Variants in SLC45A4 observed in about 807,000 individuals in gnomAD.
SLC45A4 encodes solute carrier family 45 member 4, also known as polyamine-transporter SLC45A4.
A neutral mutation model predicts 63.7 loss-of-function variants in SLC45A4; 32 were observed. The ratio of observed to expected loss-of-function variants is 0.50; its 90% CI spans 0.38 to 0.67. The LOEUF is 0.67. SLC45A4 is among the 30% of genes least tolerant of loss of function. The pLI is 0.00. For missense variants in SLC45A4, 1,027 were observed against 1,157.7 expected (o/e 0.89, Z 1.64); for synonymous variants, 535 against 510.0 (o/e 1.05, Z -0.66).
intron 1 of SLC45A4, among the ~76,000 whole-genome samples, chr8:141,302,380 C>CCCCCAT (rs1024294041): frequency 3.3e-5 from 5 of 151,132 alleles, no homozygotes; most frequent in Admixed American, 6.6e-5. Flanking sequence ...ACCACCACCA[C>CCCCCAT]CCCCATCCCC....
At chr8:141,302,748 C>T (rs1225883485) in intron 1 of SLC45A4, among the ~76,000 whole-genome samples, 3 of 152,180 alleles carry the variant, frequency 2.0e-5, no homozygotes, top group Non-Finnish European at 4.4e-5. Context: ...GCTGCCTCTA[C>T]GATACTCAGG....
At chr8:141,303,975 T>C (rs976578829) in intron 1 of SLC45A4, among the ~76,000 whole-genome samples, 1 of 152,318 alleles carries the variant, frequency 6.6e-6, no homozygotes, top group African/African-American at 2.4e-5. Flanking sequence ...GGCACCCTTA[T>C]TCCTGCACTG....
chr8:141,295,290 C>A (rs1195418391), intron 1 of SLC45A4, among the ~76,000 whole-genome samples: 1 of 152,164 alleles, frequency 6.6e-6, no homozygotes, highest in Non-Finnish European at 1.5e-5. Context: ...CTGCCCCAGG[C>A]CCCTGAGAGA....
rs567585335 is a variant in SLC45A4 at position 141,245,277 on chromosome 8, A to G, written c.241+8712T>C. On this transcript the variant is annotated intron_variant, in intron 2 of 8. Coordinates refer to ENST00000517878, the MANE Select transcript of SLC45A4 (RefSeq NM_001286646.2). ...ATGGTCGATTTTTGGATTCTCCAAG[A>G]GGAGCCAACATTGGGTTGCTGGCTG... Among the ~76,000 whole-genome samples, 6 of 152,332 alleles carry G rather than the reference A, an allele frequency of 3.9e-5. No individual in the cohort carries two copies. In the East Asian group the frequency reaches 9.6e-4, roughly 24 times the overall value.
At chr8:141,264,456 G>A (rs1396632299) in intron 1 of SLC45A4, among the ~76,000 whole-genome samples, 2 of 152,178 alleles carry the variant, frequency 1.3e-5, no homozygotes, top group African/African-American at 2.4e-5. Flanking sequence ...TGCTGGGGGA[G>A]GGGAGGGTCC....
intron 2 of SLC45A4, among the ~76,000 whole-genome samples, chr8:141,246,574 G>A (rs1480442964): frequency 2.0e-5 from 3 of 152,292 alleles, no homozygotes; most frequent in Non-Finnish European, 2.9e-5. Context: ...CCTCGATGCT[G>A]CCATATTCTA....
chr8:141,298,912 G>A (rs1186326787), intron 1 of SLC45A4, among the ~76,000 whole-genome samples: 1 of 152,066 alleles, frequency 6.6e-6, no homozygotes, highest in East Asian at 1.9e-4. Context: ...GTGGGGGGTG[G>A]GGGGAGCTGA....
intron 2 of SLC45A4, among the ~76,000 whole-genome samples, chr8:141,244,227 C>A (rs1228693221): frequency 3.3e-5 from 5 of 152,198 alleles, no homozygotes; most frequent in Non-Finnish European, 5.9e-5. Flanking sequence ...CCCTGCCCTG[C>A]CTGCAGGAGG....
chr8:141,276,069 T>C (rs542461344), intron 1 of SLC45A4, among the ~76,000 whole-genome samples: 16 of 152,022 alleles, frequency 1.1e-4, no homozygotes, highest in Non-Finnish European at 1.9e-4. Context: ...TATGGCACCA[T>C]ACCTAGCTGA....
chr8:141,230,951 G>A (rs539381313), intron 2 of SLC45A4, among the ~76,000 whole-genome samples: 2 of 152,254 alleles, frequency 1.3e-5, no homozygotes, highest in African/African-American at 4.8e-5. Context: ...CTCCTGCTCC[G>A]GGGACGCTGT....
chr8:141,230,083 G>A (rs1348566122), intron 2 of SLC45A4: 1 of 456,216 alleles, frequency 2.2e-6, no homozygotes, highest in East Asian at 6.9e-5. Flanking sequence ...ACTTACTCTC[G>A]GTAAATGAAT....
At chr8:141,220,013 C>A (rs562800750) in intron 3 of SLC45A4, among the ~76,000 whole-genome samples, 184 bp from the exon 4 acceptor site, 1 of 152,362 alleles carries the variant, frequency 6.6e-6, no homozygotes, top group East Asian at 1.9e-4. Flanking sequence ...CTTTGTTCCA[C>A]GCACTTCTGA....
intron 1 of SLC45A4, among the ~76,000 whole-genome samples, chr8:141,263,695 G>A (rs1439513653): frequency 3.3e-5 from 5 of 150,560 alleles, no homozygotes; most frequent in Non-Finnish European, 5.9e-5. Flanking sequence ...GCTTGAACCC[G>A]GGAGGCAGAG....
chr8:141,242,133 C>T (rs1033503804), intron 2 of SLC45A4, among the ~76,000 whole-genome samples: 1 of 152,126 alleles, frequency 6.6e-6, no homozygotes, highest in South Asian at 2.1e-4. Context: ...CACATTTAGC[C>T]GAGATCACAG....
At chr8:141,247,474 T>C (rs1054050360) in intron 2 of SLC45A4, among the ~76,000 whole-genome samples, 3 of 152,260 alleles carry the variant, frequency 2.0e-5, no homozygotes, top group African/African-American at 7.2e-5. Context: ...CAATTCTCTA[T>C]AGATTCAATG....
At chr8:141,277,142 G>A (rs982249291) in intron 1 of SLC45A4, among the ~76,000 whole-genome samples, 2 of 152,242 alleles carry the variant, frequency 1.3e-5, no homozygotes, top group Non-Finnish European at 1.5e-5. Context: ...CGATGGCAAC[G>A]GGCAATGCAA....
chr8:141,243,014 C>G (rs1386097194), intron 2 of SLC45A4, among the ~76,000 whole-genome samples: 1 of 152,216 alleles, frequency 6.6e-6, no homozygotes, highest in African/African-American at 2.4e-5. Context: ...GCTCCACCTC[C>G]AAGACTTTGC....
rs763483110 is a variant in SLC45A4, at chr8:141,215,986, C to G, written c.1730-16G>C. 2 of 1,610,144 alleles carry G rather than the reference C, an allele frequency of 1.2e-6. No homozygotes were observed. Among genetic ancestry groups the G allele is most frequent in the Non-Finnish European group, 1.7e-6 (2 of 1,178,554 alleles). On this transcript the variant is annotated splice_polypyrimidine_tract_variant and intron_variant, in intron 6 of 8. Coordinates refer to ENST00000517878, the MANE Select transcript of SLC45A4 (RefSeq NM_001286646.2). This position sits in a 1 kb window ranked among gnomAD's most constrained non-coding sequence, Gnocchi z 4.3. Reference sequence around the variant, plus strand: ...TGTAACAGGGCTGCAGAGAGGGGCACAGGGACAAGGACAGTGGGCAGGCGG... The same window carrying G: ...TGTAACAGGGCTGCAGAGAGGGGCAGAGGGACAAGGACAGTGGGCAGGCGG...
At chr8:141,293,065 C>T (rs772406306) in intron 1 of SLC45A4, among the ~76,000 whole-genome samples, 7 of 152,222 alleles carry the variant, frequency 4.6e-5, no homozygotes, top group Non-Finnish European at 1.0e-4. Context: ...CATCCTCCCC[C>T]ACCCCCCTAC....
Sources: gnomAD v4.1 joint callset for allele counts (sites outside exome capture counted in the v4.1 genomes callset) on GRCh38, gnomAD v4.1.1 for gene constraint, Gnocchi (gnomAD v3.1) non-coding constraint, MANE v1.5 for transcripts, NCBI Gene and HGNC (gene_info 2026-07-23, HGNC 2026-07-21) for gene names.